The following OXR1 variants were observed in gnomAD, a reference collection of about 807,000 sequenced individuals.
The protein encoded by OXR1 is oxidation resistance 1.
OXR1 carries 41 observed loss-of-function variants against 104.6 expected under a neutral mutation model. The ratio of observed to expected loss-of-function variants is 0.39; its 90% CI spans 0.31 to 0.51. OXR1 has a LOEUF of 0.51. Ranked by LOEUF, OXR1 falls within the 20% of genes least tolerant of loss-of-function variation. The probability of loss-of-function intolerance (pLI) is 0.77; values close to 1 mark genes in which losing one functional copy is unlikely to be tolerated. For synonymous variants in OXR1, 348 were observed against 348.4 expected (o/e 1.00, Z 0.01); for missense variants, 955 against 1,031.9 (o/e 0.93, Z 1.02).
Position 106,313,909 on chromosome 8 carries a change from G to A in OXR1, c.-139+43542G>A, listed in dbSNP as rs749423735. ...AGAGGAGATCAATCATACCATTATT[G>A]TTACTGGAAATTAAAGAAGAATGTT... On this transcript the variant is annotated intron_variant, in intron 1 of 16. Coordinates refer to ENST00000517566, the MANE Select transcript of OXR1 (RefSeq NM_001198533.2). Among the ~76,000 whole-genome samples the A allele has an allele frequency of 4.6e-5, 7 of 152,206 alleles. 1 individual carries two copies. The highest frequency in any genetic ancestry group is 8.8e-5 in the Non-Finnish European group (6 of 67,990).
chr8:106,571,472 A>G lies in OXR1; in HGVS notation c.220+52333A>G, dbSNP rs534859229. ...TTCAAAGATTCCTTCCTTAAATACC[A>G]TTGCCCTGGGAGCTAGGGCTTCAAC... On this transcript the variant is annotated intron_variant, in intron 3 of 16. Coordinates refer to ENST00000517566, the MANE Select transcript of OXR1 (RefSeq NM_001198533.2). Among the ~76,000 whole-genome samples, 8 of 152,208 alleles carry G rather than the reference A, an allele frequency of 5.3e-5. No homozygotes were observed. The East Asian group carries it at 1.5e-3, about 29-fold the overall frequency.
At chr8:106,691,973 G>A (rs1829334758) in intron 6 of OXR1, among the ~76,000 whole-genome samples, 1 of 132,620 alleles carries the variant, frequency 7.5e-6, no homozygotes, top group African/African-American at 3.4e-5. Context: ...ATGTGTGTGT[G>A]TGTCTATATA....
chr8:106,729,522 A>G (rs1031470768), intron 11 of OXR1, among the ~76,000 whole-genome samples: 2 of 152,142 alleles, frequency 1.3e-5, no homozygotes, highest in African/African-American at 4.8e-5. Flanking sequence ...AATCAAAATT[A>G]AGGTAGCAGT....
At chr8:106,674,305 T>G (rs1168318095) in intron 3 of OXR1, among the ~76,000 whole-genome samples, 1 of 152,182 alleles carries the variant, frequency 6.6e-6, no homozygotes, top group Admixed American at 6.5e-5. Context: ...ACTTTAAGAT[T>G]TAATGACTGC....
intron 2 of OXR1, among the ~76,000 whole-genome samples, chr8:106,481,147 CAAGTGCTTT>C (rs1297978729): frequency 1.3e-5 from 2 of 151,832 alleles, no homozygotes; most frequent in Non-Finnish European, 2.9e-5. Context: ...ATAAGACAGG[CAAGTGCTTT>C]AGTAAAACAT....
intron 1 of OXR1, among the ~76,000 whole-genome samples, chr8:106,304,148 G>A (rs1813379664): frequency 6.6e-6 from 1 of 151,968 alleles, no homozygotes; most frequent in Non-Finnish European, 1.5e-5. Context: ...ATCTCTAAGT[G>A]GTAACTGGAC....
chr8:106,391,280 A>C (rs1194724336), intron 2 of OXR1, among the ~76,000 whole-genome samples: 3 of 152,206 alleles, frequency 2.0e-5, no homozygotes, highest in Admixed American at 2.0e-4. Context: ...TATATTTACA[A>C]AAAATACTTT....
At chr8:106,594,249 C>A (rs949183772) in intron 3 of OXR1, among the ~76,000 whole-genome samples, 5 of 152,008 alleles carry the variant, frequency 3.3e-5, no homozygotes, top group Admixed American at 6.6e-5. Context: ...GAGCTGATTT[C>A]TTCTTAGTCC....
intron 16 of OXR1, among the ~76,000 whole-genome samples, chr8:106,749,902 G>C (rs1432267895): frequency 2.0e-5 from 3 of 151,948 alleles, no homozygotes; most frequent in African/African-American, 7.3e-5. Flanking sequence ...TAATCTATCT[G>C]TTAAGTTCCT....
intron 2 of OXR1, among the ~76,000 whole-genome samples, chr8:106,383,390 G>A (rs1293881541): frequency 1.3e-5 from 2 of 152,266 alleles, no homozygotes; most frequent in South Asian, 2.1e-4. Flanking sequence ...TCTATGATAT[G>A]TATTATATCC....
intron 2 of OXR1, among the ~76,000 whole-genome samples, chr8:106,393,624 C>T (rs1385895836): frequency 6.6e-6 from 1 of 151,884 alleles, no homozygotes; most frequent in Non-Finnish European, 1.5e-5. Flanking sequence ...CTTCCTTCTT[C>T]TTGATGGTTT....
In OXR1 at chr8:106,706,843, C is replaced by G. The variant is rs1031257092; in HGVS notation, c.1322C>G (p.Thr441Arg). The change falls in exon 9 of 17, where the codon ACA (threonine) becomes AGA (arginine). Residue 441 changes from threonine to arginine, a missense_variant. Coordinates refer to ENST00000517566, the MANE Select transcript of OXR1 (RefSeq NM_001198533.2). ...QGISGPKEDS[T>R]SIKGNSDQDS... ...ATATCAGGTCCTAAAGAAGACAGCA[C>G]AAGTATAAAAGGTAATTCAGACCAG... 1.9e-6 allele frequency: 3 copies of G among 1,612,428 alleles called. No homozygotes were observed. Among genetic ancestry groups the G allele is most frequent in the East Asian group, 2.2e-5 (1 of 44,872 alleles).
chr8:106,451,995 T>C (rs1474989155), intron 2 of OXR1, among the ~76,000 whole-genome samples: 1 of 152,148 alleles, frequency 6.6e-6, no homozygotes, highest in Non-Finnish European at 1.5e-5. Context: ...AGCGGGAGCA[T>C]ATTTGACTAA....
chr8:106,690,329 CT>C (rs1829153188), intron 6 of OXR1, among the ~76,000 whole-genome samples: 1 of 150,798 alleles, frequency 6.6e-6, no homozygotes, highest in Admixed American at 6.6e-5. Context: ...AGCTTTGATG[CT>C]TTTAAACCTA....
At chr8:106,500,244 A>G (rs543879278) in intron 2 of OXR1, among the ~76,000 whole-genome samples, 1 of 152,254 alleles carries the variant, frequency 6.6e-6, no homozygotes, top group Non-Finnish European at 1.5e-5. Flanking sequence ...TGTTTTAAGA[A>G]AAAACAACAA....
At chr8:106,694,049 G>T (rs1023189907) in intron 7 of OXR1, among the ~76,000 whole-genome samples, 3 of 151,900 alleles carry the variant, frequency 2.0e-5, no homozygotes, top group African/African-American at 7.2e-5. Context: ...TGACCCATTT[G>T]AGAGTGTTTT....
intron 1 of OXR1, among the ~76,000 whole-genome samples, chr8:106,358,892 CTAAA>C (rs910785282): frequency 1.3e-4 from 19 of 151,426 alleles, no homozygotes; most frequent in Admixed American, 9.2e-4. Context: ...ATTTAATTCA[CTAAA>C]TAATTTAGTG....
intron 2 of OXR1, among the ~76,000 whole-genome samples, chr8:106,514,544 G>T (rs1812741566): frequency 6.6e-6 from 1 of 152,048 alleles, no homozygotes; most frequent in South Asian, 2.1e-4. Flanking sequence ...AGAAGAAGGG[G>T]AATAATAGTG....
At chr8:106,416,184 A>G (rs546042542) in intron 2 of OXR1, among the ~76,000 whole-genome samples, 1 of 152,226 alleles carries the variant, frequency 6.6e-6, no homozygotes, top group South Asian at 2.1e-4. Flanking sequence ...ATGAGAAAAC[A>G]GGAGCTATAG....
Sources: gnomAD v4.1 joint callset for allele counts (sites outside exome capture counted in the v4.1 genomes callset) on GRCh38, gnomAD v4.1.1 for gene constraint, MANE v1.5 for transcripts, NCBI Gene and HGNC (gene_info 2026-07-23, HGNC 2026-07-21) for gene names.